Variants in ECD observed in about 807,000 individuals in gnomAD.
ECD encodes the protein protein ecdysoneless homolog.
ECD carries 59 observed loss-of-function variants against 77.2 expected under a neutral mutation model. The ratio of observed to expected loss-of-function variants is 0.76; its 90% CI spans 0.62 to 0.95. ECD has a LOEUF of 0.95. ECD is among the 40% of genes least tolerant of loss of function. The probability of loss-of-function intolerance (pLI) is 0.00; values close to 1 mark genes in which losing one functional copy is unlikely to be tolerated. For synonymous variants in ECD, 233 were observed against 267.4 expected (o/e 0.87, Z 1.26); for missense variants, 704 against 763.4 (o/e 0.92, Z 0.92).
At chr10:73,149,352 T>C (rs75470190) in intron 7 of ECD, among the ~76,000 whole-genome samples, 4,830 of 152,272 alleles carry the variant, frequency 0.032, 255 homozygotes, top group African/African-American at 0.11. Context: ...TTTTTGACTT[T>C]ATGATGGTGT....
chr10:73,134,432 A>G lies in ECD; in HGVS notation c.*151T>C. The G allele has an allele frequency of 1.4e-6, 1 of 734,610 alleles. No homozygotes were observed. Among genetic ancestry groups the G allele is most frequent in the East Asian group, 2.7e-5 (1 of 36,672 alleles). The allele number at this position is 734,610 out of a possible 1,614,324, so 45.5% of individuals were successfully genotyped here. On this transcript the variant is annotated 3_prime_UTR_variant, in exon 14 of 14. Coordinates refer to ENST00000372979, the MANE Select transcript of ECD (RefSeq NM_007265.3). ...AGCTGAGATCACAAAGACTTGTGCC[A>G]AGAGGGCCACATTTGGGGCTCATGG...
Position 73,154,435 on chromosome 10 carries a change from T to G in ECD, c.604A>C (p.Ile202Leu). 3 of 1,608,870 alleles carry G rather than the reference T, an allele frequency of 1.9e-6. No individual in the cohort carries two copies. Among genetic ancestry groups the G allele is most frequent in the Non-Finnish European group, 2.5e-6 (3 of 1,178,402 alleles). ...NRRIRGYPEKIQASLHRAHCF... is the reference protein window; with the variant it reads ...NRRIRGYPEKLQASLHRAHCF... Reference sequence around the variant, plus strand: ...TGTGCTCGATGAAGTGAGGCCTGAATTTTTTCTGGGTACCTGGGACAGGTA... The same window carrying G: ...TGTGCTCGATGAAGTGAGGCCTGAAGTTTTTCTGGGTACCTGGGACAGGTA... Residue 202 changes from isoleucine (I) to leucine (L), a missense_variant, in exon 6 of 14, where the codon ATT (isoleucine) becomes CTT (leucine). Ile to Leu is a conservative substitution (Grantham distance 5). Coordinates refer to ENST00000372979, the MANE Select transcript of ECD (RefSeq NM_007265.3).
intron 11 of ECD, 93 bp downstream of exon 11, chr10:73,139,216 C>CAAA (rs60066016): frequency 9.1e-4 from 971 of 1,062,700 alleles, no homozygotes; most frequent in Non-Finnish European, 1.0e-3. Context: ...CTCATTTACT[C>CAAA]AAAAAAAAAA....
At chr10:73,138,099 A>C (rs1843001437) in intron 11 of ECD, 29 bp from the exon 12 acceptor site, 1 of 1,513,074 alleles carries the variant, frequency 6.6e-7, no homozygotes, top group Non-Finnish European at 8.9e-7. Context: ...AAGACAATTA[A>C]TTTATTCTAA....
Position 73,134,586 on chromosome 10 carries a change from AT to A in ECD, c.1931del (p.Asn644IlefsTer6). 6.2e-7 allele frequency: 1 copy of A among 1,612,690 alleles called. No homozygotes were observed. The highest frequency in any genetic ancestry group is 8.5e-7 in the Non-Finnish European group (1 of 1,178,892). ...AAAGAGAAGCTAAATGTGCTGGTTAATTTTTTGTTGGCTTACTTGTTGGTCT... is the reference window on the plus strand; with the variant it reads ...AAAGAGAAGCTAAATGTGCTGGTTAATTTTTGTTGGCTTACTTGTTGGTCT... ...DHRPTSKPTK[N>X] On this transcript the variant is annotated frameshift_variant, in exon 14 of 14. Coordinates refer to ENST00000372979, the MANE Select transcript of ECD (RefSeq NM_007265.3). LOFTEE classifies it high-confidence loss of function.
intron 3 of ECD, among the ~76,000 whole-genome samples, chr10:73,157,092 C>A (rs1843306267): frequency 6.6e-6 from 1 of 151,698 alleles, no homozygotes; most frequent in African/African-American, 2.4e-5. Flanking sequence ...CTCTGTCACT[C>A]AGGCTAGAGT....
intron 7 of ECD, 64 bp from the exon 8 acceptor site, chr10:73,148,468 A>G: frequency 6.4e-7 from 1 of 1,557,908 alleles, no homozygotes; most frequent in Non-Finnish European, 8.7e-7. Context: ...ATTATAACAC[A>G]TTACTTTTTT....
chr10:73,136,473 G>T (rs1842975072), intron 13 of ECD, among the ~76,000 whole-genome samples: 1 of 152,000 alleles, frequency 6.6e-6, no homozygotes, highest in Admixed American at 6.6e-5. Flanking sequence ...CATATTATAT[G>T]ACTTTTTATT....
chr10:73,150,200 A>G (rs1422862332), intron 7 of ECD, among the ~76,000 whole-genome samples: 1 of 152,192 alleles, frequency 6.6e-6, no homozygotes, highest in African/African-American at 2.4e-5. Context: ...AACAGAACAG[A>G]GCCCTCAGAA....
chr10:73,163,590 T>C, intron 2 of ECD, 143 bp downstream of exon 2: 1 of 721,070 alleles, frequency 1.4e-6, no homozygotes, highest in Non-Finnish European at 2.2e-6. Flanking sequence ...GCTAACTGAA[T>C]ATAGACAAGT....
chr10:73,165,492 T>C (rs1284022395), intron 1 of ECD, among the ~76,000 whole-genome samples: 2 of 151,858 alleles, frequency 1.3e-5, no homozygotes, highest in Non-Finnish European at 2.9e-5. Flanking sequence ...GCTGGGACTA[T>C]AGGCGCACGC....
intron 13 of ECD, among the ~76,000 whole-genome samples, chr10:73,136,400 A>T (rs1473657462): frequency 1.3e-5 from 2 of 152,178 alleles, no homozygotes; most frequent in African/African-American, 4.8e-5. Flanking sequence ...TAGTTTTTTT[A>T]AACTACTTTT....
chr10:73,152,836 C>T (rs1173953228), intron 6 of ECD, among the ~76,000 whole-genome samples: 3 of 151,064 alleles, frequency 2.0e-5, no homozygotes, highest in South Asian at 2.1e-4. Flanking sequence ...TGCTTGAACC[C>T]GGGAGGTGGA....
chr10:73,139,268 G>C (rs2133248239), intron 11 of ECD, 41 bp downstream of exon 11: 1 of 1,532,206 alleles, frequency 6.5e-7, no homozygotes, highest in Middle Eastern at 1.8e-4. Context: ...TCAACATTTG[G>C]GTTCTAGCTA....
At position 73,138,028 on chromosome 10, in the gene ECD, A is replaced by G; in HGVS notation, c.1464T>C (p.Phe488=). 1 of 1,597,652 alleles carries G rather than the reference A, an allele frequency of 6.3e-7. No individual in the cohort carries two copies. The highest frequency in any genetic ancestry group is 1.8e-5 in the Admixed American group (1 of 56,810). The part of the protein sequence containing the change: ...EAPITFDADS[F]LNYFDKILGP... Reference sequence around the variant, plus strand: ...CTAAAATCTTATCAAAATAATTAAGAAAAGAATCTGCATCAAAAGTGATTG... The same window carrying G: ...CTAAAATCTTATCAAAATAATTAAGGAAAGAATCTGCATCAAAAGTGATTG... Residue 488 remains phenylalanine, a synonymous_variant, in exon 12 of 14, where the codon TTT becomes TTC. Transcript: ENST00000372979.
intron 9 of ECD, among the ~76,000 whole-genome samples, chr10:73,144,202 T>C (rs2133254211): frequency 6.6e-6 from 1 of 152,330 alleles, no homozygotes. Flanking sequence ...TGCAATTCAT[T>C]TATCCATTAT....
Position 73,146,322 on chromosome 10 carries a change from C to T in ECD, c.1081G>A (p.Glu361Lys). The T allele has an allele frequency of 6.2e-7, 1 of 1,610,786 alleles. No individual in the cohort carries two copies. The highest frequency in any genetic ancestry group is 8.5e-7 in the Non-Finnish European group (1 of 1,178,124). The change falls in exon 9 of 14, where the codon GAA (glutamate) becomes AAA (lysine). Residue 361 changes from glutamate (E) to lysine (K), a missense_variant. Glu to Lys is a moderately conservative substitution (Grantham distance 56). Coordinates refer to ENST00000372979, the MANE Select transcript of ECD (RefSeq NM_007265.3). The stretch of plus-strand genomic sequence containing the variant: ...AGCTGGAAGTAATTCTCTGCCATTT[C>T]TAGCCTTTCCCGGTACTGAGCAGAA... Reference protein sequence around the residue: ...EGSAQYRERLEMAENYFQLSV... With the variant: ...EGSAQYRERLKMAENYFQLSV...
chr10:73,144,211 A>G (rs777044373), intron 9 of ECD, among the ~76,000 whole-genome samples: 40 of 152,346 alleles, frequency 2.6e-4, no homozygotes, highest in Admixed American at 8.5e-4. Flanking sequence ...TTTATCCATT[A>G]TTGATGGATA....
chr10:73,146,483 G>A, intron 8 of ECD, 122 bp from the exon 9 acceptor site: 3 of 494,544 alleles, frequency 6.1e-6, no homozygotes, highest in Non-Finnish European at 1.0e-5. Context: ...CGTGCCCCAA[G>A]TCCTAGGCCC....
Sources: allele counts gnomAD v4.1 joint callset (sites outside exome capture counted in the v4.1 genomes callset), GRCh38; gene constraint gnomAD v4.1.1; transcripts MANE v1.5; gene names NCBI Gene and HGNC (gene_info 2026-07-23, HGNC 2026-07-21).